Variants in TRRAP observed in about 807,000 individuals in gnomAD.
The protein encoded by TRRAP is transformation/transcription domain-associated protein.
A neutral mutation model predicts 438.8 loss-of-function variants in TRRAP; 41 were observed. The ratio of observed to expected loss-of-function variants is 0.09; its 90% CI spans 0.07 to 0.12. The LOEUF is 0.12. Ranked by LOEUF, TRRAP falls within the 10% of genes least tolerant of loss-of-function variation. The pLI is 1.00. For missense variants in TRRAP, 3,122 were observed against 5,055.1 expected, an observed-to-expected ratio of 0.62 and a Z score of 11.60; for synonymous variants, 1,994 against 1,962.9, an observed-to-expected ratio of 1.02 and a Z score of -0.42.
rs974544903 is a variant in TRRAP at position 98,971,610 on chromosome 7, G to A, written c.7693-189G>A. Among the ~76,000 whole-genome samples, 4 of 152,220 alleles carry A rather than the reference G, an allele frequency of 2.6e-5. No homozygotes were observed. The East Asian group carries it at 5.8e-4, about 22-fold the overall frequency. ...TTCTTTATAGTCATTTTTAAAAAGA[G>A]AGCGATCTGGTCTAGTTAATCCAGG... On this transcript the variant is annotated intron_variant, in intron 52 of 72. Transcript: ENST00000456197.
At position 98,908,027 on chromosome 7, in the gene TRRAP, C is replaced by T. The variant is rs1037408843; in HGVS notation, c.1116-701C>T. Reference sequence around the variant, plus strand: ...CTGTTTCTTCCATCTGGAAATTTCCCTGGATTTTTGCCTTATGGCCCCTTT... The same window carrying T: ...CTGTTTCTTCCATCTGGAAATTTCCTTGGATTTTTGCCTTATGGCCCCTTT... On this transcript the variant is annotated intron_variant, in intron 13 of 72. Transcript: ENST00000456197. The surrounding 1 kb of genome is among the most constrained non-coding windows in gnomAD (Gnocchi z 4.1). Among the ~76,000 whole-genome samples, 9 of 152,210 alleles carry T rather than the reference C, an allele frequency of 5.9e-5. No individual in the cohort carries two copies. Among genetic ancestry groups the T allele is most frequent in the African/African-American group, 2.2e-4 (9 of 41,448 alleles).
In TRRAP at chr7:98,908,610, A is replaced by AT; in HGVS notation, c.1116-117dup. On this transcript the variant is annotated intron_variant, in intron 13 of 72. Transcript: ENST00000456197. The surrounding 1 kb of genome is among the most constrained non-coding windows in gnomAD (Gnocchi z 4.1). ...GAGAGTAATGTGGTGAAAATGGGCC[A>AT]TGTAAGTGTGCCGACCCAGGGGTGG... is the stretch of plus-strand genomic sequence containing the variant. 2.4e-6 allele frequency: 2 copies of AT among 836,100 alleles called. No homozygotes were observed. Among genetic ancestry groups the AT allele is most frequent in the Non-Finnish European group, 3.8e-6 (2 of 528,440 alleles). 51.8% of individuals were successfully genotyped at this position (836,100 alleles called of 1,614,324 possible). A position where few individuals can be genotyped will look rare whatever the true frequency, so the allele number is the denominator to read the frequency against.
At position 98,942,935 on chromosome 7, in the gene TRRAP, T is replaced by C; in HGVS notation, c.4405-14T>C. ...TACTGTGAAGTTGTGTCTCAGGATGTGTTTTTCCAACAGCAACATCTGCGC... is the reference window on the plus strand; with the variant it reads ...TACTGTGAAGTTGTGTCTCAGGATGCGTTTTTCCAACAGCAACATCTGCGC... On this transcript the variant is annotated splice_polypyrimidine_tract_variant and intron_variant, in intron 30 of 72. Coordinates refer to ENST00000456197, the MANE Select transcript of TRRAP (RefSeq NM_001375524.1). 6.2e-7 allele frequency: 1 copy of C among 1,614,122 alleles called. No individual in the cohort carries two copies.
chr7:98,903,705 G>A (rs1425946219), intron 12 of TRRAP, among the ~76,000 whole-genome samples, 188 bp downstream of exon 12: 1 of 151,914 alleles, frequency 6.6e-6, no homozygotes, highest in African/African-American at 2.4e-5. Flanking sequence ...CTGTTTTCAC[G>A]CTGCTGATAA....
chr7:98,948,347 G>A lies in TRRAP; in HGVS notation c.4668+7G>A, dbSNP rs1554417359. 3 of 1,614,134 alleles carry A rather than the reference G, an allele frequency of 1.9e-6. No homozygotes were observed. The highest frequency in any genetic ancestry group is 2.5e-6 in the Non-Finnish European group (3 of 1,180,028). The stretch of plus-strand genomic sequence containing the variant: ...GCGGGCGATGCTGATCGAGGTAAGG[G>A]CCATACTGAAGGCTGCTTCTCGCTC... On this transcript the variant is annotated splice_region_variant and intron_variant, in intron 34 of 72. Transcript: ENST00000456197. The surrounding 1 kb of genome is among the most constrained non-coding windows in gnomAD (Gnocchi z 4.9).
intron 27 of TRRAP, 151 bp downstream of exon 27, chr7:98,933,553 G>A: frequency 8.9e-7 from 1 of 1,119,184 alleles, no homozygotes; most frequent in Admixed American, 2.9e-5. Flanking sequence ...AGCAACCTGA[G>A]CAGGTATGTT....
At chr7:98,993,393 C>T in intron 65 of TRRAP, 145 bp from the exon 66 acceptor site, 2 of 851,366 alleles carry the variant, frequency 2.3e-6, no homozygotes, top group South Asian at 3.5e-5. Context: ...GGCCTTCTCC[C>T]ACGCAGTCCT....
At chr7:98,953,925 A>T (rs1454429248) in intron 40 of TRRAP, among the ~76,000 whole-genome samples, 1 of 152,072 alleles carries the variant, frequency 6.6e-6, no homozygotes, top group Non-Finnish European at 1.5e-5. Flanking sequence ...CTCGTTCCTC[A>T]ACAGCTTTGC....
rs577627341 is a variant in TRRAP at position 98,881,608 on chromosome 7, A to G, written c.100+358A>G. On this transcript the variant is annotated intron_variant, in intron 2 of 72. Coordinates refer to ENST00000456197, the MANE Select transcript of TRRAP (RefSeq NM_001375524.1). ...AAAAAGAGAAATGCATAAATATGAC[A>G]CATTTATCTCAGCTCAGATGTTGTG... 28 of 275,246 alleles carry G rather than the reference A, an allele frequency of 1.0e-4. No individual in the cohort carries two copies. The South Asian group carries it at 3.3e-3, about 33-fold the overall frequency. 17.1% of individuals were successfully genotyped at this position (275,246 alleles called of 1,614,324 possible).
intron 30 of TRRAP, among the ~76,000 whole-genome samples, chr7:98,939,986 A>C (rs1257544854): frequency 6.6e-6 from 1 of 152,104 alleles, no homozygotes; most frequent in East Asian, 1.9e-4. Flanking sequence ...GGTTCAAGTG[A>C]TTCTCCTGCC....
intron 11 of TRRAP, 35 bp from the exon 12 acceptor site, chr7:98,903,344 C>T: frequency 6.2e-7 from 1 of 1,612,502 alleles, no homozygotes; most frequent in South Asian, 1.1e-5. Flanking sequence ...ACTCTCCTAT[C>T]CCTGTAACTG....
intron 52 of TRRAP, among the ~76,000 whole-genome samples, chr7:98,971,156 T>G (rs866444403): frequency 2.6e-5 from 4 of 152,170 alleles, no homozygotes; most frequent in African/African-American, 4.8e-5. Context: ...AATTAAAATT[T>G]TTTTCCTTTT....
rs1795462081 is a variant in TRRAP, at chr7:98,882,003, A to G, written c.129A>G (p.Gln43=). The G allele has an allele frequency of 6.2e-7, 1 of 1,611,826 alleles. No individual in the cohort carries two copies. Among genetic ancestry groups the G allele is most frequent in the Non-Finnish European group, 8.5e-7 (1 of 1,179,574 alleles). Reference sequence around the variant, plus strand: ...ATGAAACAAAGTTGAAAATGATGCAAGAAGTTAGTGAAAATTTTGAGGTAT... The same window carrying G: ...ATGAAACAAAGTTGAAAATGATGCAGGAAGTTAGTGAAAATTTTGAGGTAT... The part of the protein sequence containing the change: ...TPDETKLKMM[Q]EVSENFENVT... The change falls in exon 3 of 73, where the codon CAA becomes CAG. Residue 43 remains glutamine (Q), a synonymous_variant. Transcript: ENST00000456197.
intron 62 of TRRAP, among the ~76,000 whole-genome samples, chr7:98,987,007 A>G (rs1427716673): frequency 7.2e-5 from 11 of 152,154 alleles, no homozygotes; most frequent in African/African-American, 2.4e-4. Context: ...AGTTGAGGCC[A>G]GGCCCAGTGG....
At chr7:98,903,032 G>GA (rs1562933151) in intron 11 of TRRAP, among the ~76,000 whole-genome samples, 24 of 82,680 alleles carry the variant, frequency 2.9e-4, no homozygotes, top group East Asian at 5.4e-4. Context: ...TAGTCTTAAC[G>GA]GTTTTTTTTT....
Position 98,892,524 on chromosome 7 carries a change from T to C in TRRAP, c.362T>C (p.Leu121Ser). The C allele has an allele frequency of 6.2e-7, 1 of 1,607,134 alleles. No homozygotes were observed. The highest frequency in any genetic ancestry group is 1.3e-5 in the African/African-American group (1 of 74,606). ...KNVLSVMFRF[L>S]ETENEENVLI... ...GTTTTGTCTGTGATGTTTCGCTTTT[T>C]AGAGGTAAGTTTTGAGAATTAATTC... The change falls in exon 5 of 73, where the codon TTA becomes TCA. Residue 121 changes from leucine (L) to serine (S), a missense_variant. Physicochemically the swap from Leu to Ser is moderately radical, Grantham distance 145. This residue lies in a region of TRRAP where 343 missense variants were observed against 564.0 expected (regional missense o/e 0.61). Transcript: ENST00000456197.
At chr7:99,009,135 G>A (rs1293356809) in intron 70 of TRRAP, among the ~76,000 whole-genome samples, 2 of 152,178 alleles carry the variant, frequency 1.3e-5, no homozygotes, top group African/African-American at 2.4e-5. Flanking sequence ...AGGTACAGAG[G>A]CCCCTCATTC....
intron 33 of TRRAP, among the ~76,000 whole-genome samples, chr7:98,947,061 G>C (rs1791113134): frequency 6.6e-6 from 1 of 152,242 alleles, no homozygotes. Flanking sequence ...TGGGAGTGGG[G>C]CCCTTCCTGA....
At chr7:98,924,457 T>C (rs1015828031) in intron 21 of TRRAP, among the ~76,000 whole-genome samples, 7 of 152,098 alleles carry the variant, frequency 4.6e-5, no homozygotes, top group African/African-American at 1.7e-4. Context: ...TGTCTAGAAA[T>C]GTGCATTAAG....
Sources: gnomAD v4.1 joint callset for allele counts (sites outside exome capture counted in the v4.1 genomes callset) on GRCh38, gnomAD v4.1.1 for gene constraint, gnomAD v4.1.1 regional missense constraint, Gnocchi (gnomAD v3.1) non-coding constraint, MANE v1.5 for transcripts, NCBI Gene and HGNC (gene_info 2026-07-23, HGNC 2026-07-21) for gene names.